PLXNC1: variants seen among roughly 807,000 people sequenced by gnomAD.
PLXNC1 encodes the protein plexin C1.
Under a neutral mutation model 178.2 loss-of-function variants are expected in PLXNC1, and 75 were observed. The observed-to-expected ratio is 0.42, with a 90% CI of 0.35 to 0.51. The LOEUF (loss-of-function observed/expected upper bound fraction) is 0.51. PLXNC1 is among the 20% of genes least tolerant of loss of function. The pLI, the probability that PLXNC1 is intolerant of heterozygous loss-of-function variation, is 0.02. For synonymous variants in PLXNC1, 790 were observed against 779.9 expected (o/e 1.01, Z -0.22); for missense variants, 1,503 against 1,984.4 (o/e 0.76, Z 4.61).
chr12:94,227,422 C>T, intron 9 of PLXNC1, 187 bp downstream of exon 9: 1 of 463,836 alleles, frequency 2.2e-6, no homozygotes, highest in Non-Finnish European at 3.9e-6. Context: ...GCTGGACACT[C>T]ACATAAAATA....
At chr12:94,200,195 A>T (rs1259036890) in intron 4 of PLXNC1, among the ~76,000 whole-genome samples, 1 of 152,234 alleles carries the variant, frequency 6.6e-6, no homozygotes, top group African/African-American at 2.4e-5. Context: ...CTGACTTCCA[A>T]CAAGCACCAT....
In PLXNC1 at chr12:94,186,366, C is replaced by A; in HGVS notation, c.1339-7C>A. On this transcript the variant is annotated splice_region_variant and splice_polypyrimidine_tract_variant and intron_variant, in intron 3 of 30. Transcript: ENST00000258526. ...TCCATCTGAACCATTGTCCTCTTTC[C>A]TTTTAGGTGAGGAGAATTCGTGTTG... The A allele has an allele frequency of 1.3e-6, 2 of 1,598,218 alleles. No individual in the cohort carries two copies. The highest frequency in any genetic ancestry group is 1.7e-6 in the Non-Finnish European group (2 of 1,165,546).
At position 94,169,161 on chromosome 12, in the gene PLXNC1, G is replaced by A. The variant is rs763925577; in HGVS notation, c.1071G>A (p.Gly357=). The change falls in exon 2 of 31, where the codon GGG becomes GGA. Residue 357 remains glycine (G), a synonymous_variant. Transcript: ENST00000258526. ...FKTAESHCKE[G]DQPERVQPIA... is the part of the protein sequence containing the mutation. ...TTTGTGTGCATGTTCAGAAAGAAGG[G>A]GATCAACCTGAAAGAGTCCAACCAA... is the stretch of plus-strand genomic sequence containing the variant. 8 of 1,613,210 alleles carry A rather than the reference G, an allele frequency of 5.0e-6. No homozygotes were observed. The highest frequency in any genetic ancestry group is 1.3e-5 in the African/African-American group (1 of 74,816).
chr12:94,187,180 G>GAGAC (rs1027726019), intron 4 of PLXNC1, among the ~76,000 whole-genome samples: 2 of 83,958 alleles, frequency 2.4e-5, no homozygotes, highest in African/African-American at 6.1e-5. Context: ...AGGAAAGAGA[G>GAGAC]AGAGAGAGAG....
intron 10 of PLXNC1, among the ~76,000 whole-genome samples, 196 bp from the exon 11 acceptor site, chr12:94,240,289 C>T (rs1052589851): frequency 4.6e-5 from 7 of 152,276 alleles, no homozygotes; most frequent in South Asian, 2.1e-4. Flanking sequence ...TAAAAATGTA[C>T]TAAAGAAAGA....
intron 4 of PLXNC1, among the ~76,000 whole-genome samples, chr12:94,193,679 G>T (rs764685329): frequency 3.3e-5 from 5 of 152,210 alleles, no homozygotes; most frequent in Non-Finnish European, 7.3e-5. Flanking sequence ...GAGGGCTTCT[G>T]AGAGACACCA....
intron 10 of PLXNC1, among the ~76,000 whole-genome samples, 168 bp downstream of exon 10, chr12:94,237,971 T>A (rs1291705502): frequency 6.6e-6 from 1 of 152,198 alleles, no homozygotes; most frequent in Non-Finnish European, 1.5e-5. Flanking sequence ...CGTAAAATAA[T>A]TTTCACAACA....
chr12:94,248,502 T>A, intron 14 of PLXNC1, 90 bp downstream of exon 14: 1 of 1,003,558 alleles, frequency 1.0e-6, no homozygotes, highest in African/African-American at 1.6e-5. Context: ...GAATCTTTCA[T>A]GGATCTTCAG....
chr12:94,149,756 C>G lies in PLXNC1; in HGVS notation c.785C>G (p.Pro262Arg). The change falls in exon 1 of 31, where the codon CCC (proline) becomes CGC (arginine). Residue 262 changes from proline (P) to arginine (R), a missense_variant. Coordinates refer to ENST00000258526, the MANE Select transcript of PLXNC1 (RefSeq NM_005761.3). ...NYTSGAATGW[P>R]SMARIAQSTE... Reference sequence around the variant, plus strand: ...ACGAGCGGCGCTGCCACCGGCTGGCCCAGCATGGCGCGCATCGCGCAGAGC... The same window carrying G: ...ACGAGCGGCGCTGCCACCGGCTGGCGCAGCATGGCGCGCATCGCGCAGAGC... The G allele has an allele frequency of 1.2e-6, 2 of 1,610,102 alleles. No individual in the cohort carries two copies. Among genetic ancestry groups the G allele is most frequent in the Non-Finnish European group, 8.5e-7 (1 of 1,179,344 alleles).
In PLXNC1 at chr12:94,259,845, T is replaced by C. The variant is rs1461852728; in HGVS notation, c.3251+111T>C. The C allele has an allele frequency of 4.8e-6, 4 of 838,462 alleles. No individual in the cohort carries two copies. The East Asian group carries it at 8.8e-5, about 18-fold the overall frequency. The allele number at this position is 838,462 out of a possible 1,614,324, so 51.9% of individuals were successfully genotyped here. A position where few individuals can be genotyped will look rare whatever the true frequency, so the allele number is the denominator to read the frequency against. On this transcript the variant is annotated intron_variant, in intron 19 of 30. Coordinates refer to ENST00000258526, the MANE Select transcript of PLXNC1 (RefSeq NM_005761.3). Reference sequence around the variant, plus strand: ...TTGGGAGGCCAAGGCAGGCAATCACTTGAGGCCAGGAGTTCAAGACCAGCC... The same window carrying C: ...TTGGGAGGCCAAGGCAGGCAATCACCTGAGGCCAGGAGTTCAAGACCAGCC...
At chr12:94,210,037 A>G (rs991303692) in intron 5 of PLXNC1, among the ~76,000 whole-genome samples, 6 of 152,260 alleles carry the variant, frequency 3.9e-5, no homozygotes, top group African/African-American at 1.4e-4. Flanking sequence ...TTGAAAATAA[A>G]GAAAAAAGAG....
At chr12:94,302,373 T>C (rs1305901456) in intron 28 of PLXNC1, among the ~76,000 whole-genome samples, 1 of 148,500 alleles carries the variant, frequency 6.7e-6, no homozygotes, top group East Asian at 1.9e-4. Context: ...ATCATAAACA[T>C]TTTATTCATT....
At chr12:94,254,552 G>C (rs774594807) in intron 15 of PLXNC1, 5 of 659,596 alleles carry the variant, frequency 7.6e-6, no homozygotes, top group Non-Finnish European at 1.4e-5. Flanking sequence ...TAAGGTTTTG[G>C]TTTTTTTCTG....
intron 3 of PLXNC1, 106 bp downstream of exon 3, chr12:94,181,686 A>T (rs989287671): frequency 3.9e-5 from 39 of 1,000,376 alleles, no homozygotes; most frequent in Non-Finnish European, 5.8e-5. Flanking sequence ...GAGTTTAAGC[A>T]GTGCCCCAGG....
intron 2 of PLXNC1, among the ~76,000 whole-genome samples, chr12:94,177,141 G>A (rs376814569): frequency 1.1e-4 from 9 of 83,898 alleles, no homozygotes; most frequent in East Asian, 3.7e-4. Context: ...ATATATATGT[G>A]TGTGTGTGTA....
chr12:94,270,578 C>T (rs1565843561), intron 21 of PLXNC1, among the ~76,000 whole-genome samples: 1 of 152,114 alleles, frequency 6.6e-6, no homozygotes, highest in Non-Finnish European at 1.5e-5. Flanking sequence ...TTTGCCAACA[C>T]ACAACACCCA....
rs1592808679 is a variant in PLXNC1, at chr12:94,248,362, A to G, written c.2728A>G (p.Lys910Glu). The G allele has an allele frequency of 6.2e-7, 1 of 1,613,280 alleles. No individual in the cohort carries two copies. Among genetic ancestry groups the G allele is most frequent in the African/African-American group, 1.3e-5 (1 of 75,004 alleles). Reference sequence around the variant, plus strand: ...TCTTACCACCATCCTTTGCAAAATTAAAGGCATCAAGACTGCAAGCACCAT... The same window carrying G: ...TCTTACCACCATCCTTTGCAAAATTGAAGGCATCAAGACTGCAAGCACCAT... ...QDLTTILCKI[K>E]GIKTASTIAN... Residue 910 changes from lysine to glutamate, a missense_variant, in exon 14 of 31, where the codon AAA becomes GAA. Lys to Glu is a moderately conservative substitution (Grantham distance 56). Around this residue, in one of 4 missense-constraint regions of PLXNC1, gnomAD observed 639 missense variants for 979.7 expected, o/e 0.65. Coordinates refer to ENST00000258526, the MANE Select transcript of PLXNC1 (RefSeq NM_005761.3).
chr12:94,279,463 C>T lies in PLXNC1; in HGVS notation c.3598-9C>T, dbSNP rs1198500427. On this transcript the variant is annotated splice_polypyrimidine_tract_variant and intron_variant, in intron 21 of 30. Coordinates refer to ENST00000258526, the MANE Select transcript of PLXNC1 (RefSeq NM_005761.3). ...TAATAGACTTGGAAACCTGTTTGTA[C>T]TCTTGCAGGCATTAAACGTCGTCTT... is the stretch of plus-strand genomic sequence containing the variant. 6.2e-7 allele frequency: 1 copy of T among 1,608,526 alleles called. No homozygotes were observed. Among genetic ancestry groups the T allele is most frequent in the Non-Finnish European group, 8.5e-7 (1 of 1,176,546 alleles).
intron 23 of PLXNC1, among the ~76,000 whole-genome samples, chr12:94,290,828 G>T (rs1314360404): frequency 6.6e-6 from 1 of 152,228 alleles, no homozygotes; most frequent in East Asian, 1.9e-4. Flanking sequence ...CTTCAGAATG[G>T]AGGGAAAAGT....
Sources: allele counts gnomAD v4.1 joint callset (sites outside exome capture counted in the v4.1 genomes callset), GRCh38; gene constraint gnomAD v4.1.1; regional missense constraint gnomAD v4.1.1; transcripts MANE v1.5; gene names NCBI Gene and HGNC (gene_info 2026-07-23, HGNC 2026-07-21).